Variants in LRRC8B observed in about 807,000 individuals in gnomAD.
The protein encoded by LRRC8B is volume-regulated anion channel subunit LRRC8B.
In LRRC8B, 23 loss-of-function variants were observed where a neutral mutation model predicts 58.8. The ratio of observed to expected loss-of-function variants is 0.39; its 90% confidence interval spans 0.28 to 0.55. The LOEUF (loss-of-function observed/expected upper bound fraction) is 0.55. Ranked by LOEUF, LRRC8B falls within the 20% of genes least tolerant of loss-of-function variation. The pLI, the probability that LRRC8B is intolerant of heterozygous loss-of-function variation, is 0.62. For missense variants in LRRC8B, 694 were observed against 936.0 expected, an observed-to-expected ratio of 0.74 and a Z score of 3.37; for synonymous variants, 359 against 374.1, an observed-to-expected ratio of 0.96 and a Z score of 0.47.
At chr1:89,581,759 A>G (rs887712832) in intron 4 of LRRC8B, among the ~76,000 whole-genome samples, 6 of 152,242 alleles carry the variant, frequency 3.9e-5, no homozygotes, top group African/African-American at 1.4e-4. Context: ...CCATGATAGA[A>G]TATTCTAGCA....
In LRRC8B at chr1:89,540,997, T is replaced by G. The variant is rs80137236; in HGVS notation, c.-241+15975T>G. On this transcript the variant is annotated intron_variant, in intron 1 of 5. Transcript: ENST00000330947. Reference sequence around the variant, plus strand: ...AAGTTTTGAACCAGATGATTTGGGGTCAAATTGTCAAATTTCAGGTTACCA... The same window carrying G: ...AAGTTTTGAACCAGATGATTTGGGGGCAAATTGTCAAATTTCAGGTTACCA... Among the ~76,000 whole-genome samples, 1,195 of 152,354 alleles carry G rather than the reference T, an allele frequency of 7.8e-3. 12 individuals are homozygous for G. Among genetic ancestry groups the G allele is most frequent in the Non-Finnish European group, 0.014 (953 of 68,034 alleles).
chr1:89,563,472 C>T (rs544840282), intron 1 of LRRC8B, among the ~76,000 whole-genome samples: 1 of 152,232 alleles, frequency 6.6e-6, no homozygotes, highest in East Asian at 1.9e-4. Context: ...CTTTGCCTTC[C>T]TTATGGGCCA....
chr1:89,527,580 T>C (rs1364145098), intron 1 of LRRC8B, among the ~76,000 whole-genome samples: 1 of 152,208 alleles, frequency 6.6e-6, no homozygotes, highest in Non-Finnish European at 1.5e-5. Flanking sequence ...TAAAATACCT[T>C]CTAATTTGTG....
chr1:89,554,172 C>T (rs1201154399), intron 1 of LRRC8B, among the ~76,000 whole-genome samples: 1 of 152,184 alleles, frequency 6.6e-6, no homozygotes. Context: ...ATTTCTGTCT[C>T]ATAAATTCCA....
At chr1:89,544,610 A>T (rs1026320209) in intron 1 of LRRC8B, among the ~76,000 whole-genome samples, 1 of 152,212 alleles carries the variant, frequency 6.6e-6, no homozygotes, top group Non-Finnish European at 1.5e-5. Context: ...TAATAATAAT[A>T]TCCCAGTGGG....
intron 1 of LRRC8B, among the ~76,000 whole-genome samples, chr1:89,555,566 A>G (rs1652123455): frequency 6.6e-6 from 1 of 152,170 alleles, no homozygotes; most frequent in Non-Finnish European, 1.5e-5. Flanking sequence ...AGAGAAATAA[A>G]CCTTTAATCA....
intron 1 of LRRC8B, among the ~76,000 whole-genome samples, chr1:89,540,260 A>G (rs1387175886): frequency 6.6e-6 from 1 of 152,226 alleles, no homozygotes; most frequent in Non-Finnish European, 1.5e-5. Flanking sequence ...ACATGAATCA[A>G]ATATTTGGAG....
intron 1 of LRRC8B, among the ~76,000 whole-genome samples, chr1:89,544,611 T>A (rs760760655): frequency 5.3e-5 from 8 of 152,182 alleles, no homozygotes; most frequent in Non-Finnish European, 1.0e-4. Context: ...AATAATAATA[T>A]CCCAGTGGGT....
At chr1:89,535,320 T>G (rs1454145058) in intron 1 of LRRC8B, among the ~76,000 whole-genome samples, 3 of 152,174 alleles carry the variant, frequency 2.0e-5, no homozygotes, top group African/African-American at 7.2e-5. Context: ...TAGGCCCATT[T>G]AAAGATTCCC....
chr1:89,559,320 T>G (rs1652428913), intron 1 of LRRC8B, among the ~76,000 whole-genome samples: 2 of 152,072 alleles, frequency 1.3e-5, no homozygotes. Flanking sequence ...GAACCTTCCA[T>G]GGTCCTAATA....
intron 5 of LRRC8B, 148 bp downstream of exon 5, chr1:89,584,937 C>G (rs1654521077): frequency 3.5e-6 from 2 of 575,510 alleles, no homozygotes; most frequent in Non-Finnish European, 3.0e-6. Flanking sequence ...ACTGAGCATC[C>G]ATTTTTAACC....
At chr1:89,574,381 G>A (rs1428270718) in intron 3 of LRRC8B, among the ~76,000 whole-genome samples, 1 of 152,224 alleles carries the variant, frequency 6.6e-6, no homozygotes, top group African/African-American at 2.4e-5. Flanking sequence ...TTGAGACCAG[G>A]TGTCAGTGAA....
intron 1 of LRRC8B, among the ~76,000 whole-genome samples, chr1:89,533,530 A>G (rs902134923): frequency 4.6e-5 from 7 of 152,128 alleles, no homozygotes; most frequent in African/African-American, 1.4e-4. Context: ...TCTAGGCTCC[A>G]TTAAAGCATA....
rs1389193528 is a variant in LRRC8B, at chr1:89,595,102, C to T, written c.*2059C>T. ...GGAATATAGGACACCAAACACACTG[C>T]CTCACACATTATTGTTTATTCTGAA... On this transcript the variant is annotated 3_prime_UTR_variant, in exon 6 of 6. Transcript: ENST00000330947. The T allele has an allele frequency of 6.6e-6, 1 of 152,108 alleles. No individual in the cohort carries two copies. Among genetic ancestry groups the T allele is most frequent in the Non-Finnish European group, 1.5e-5 (1 of 67,980 alleles). 9.4% of individuals were successfully genotyped at this position (152,108 alleles called of 1,614,324 possible). A position where few individuals can be genotyped will look rare whatever the true frequency, so the allele number is the denominator to read the frequency against.
At chr1:89,559,627 T>TACACAC (rs1197545100) in intron 1 of LRRC8B, among the ~76,000 whole-genome samples, 18 of 137,326 alleles carry the variant, frequency 1.3e-4, no homozygotes, top group South Asian at 2.2e-4. Context: ...TATATATATA[T>TACACAC]ATACACACAC....
At chr1:89,582,479 T>C (rs931796144) in intron 4 of LRRC8B, 146 bp from the exon 5 acceptor site, 6 of 599,794 alleles carry the variant, frequency 1.0e-5, no homozygotes, top group African/African-American at 5.6e-5. Context: ...AGAAGACTTA[T>C]GTGCCCCTTA....
chr1:89,546,333 G>A (rs1651401955), intron 1 of LRRC8B, among the ~76,000 whole-genome samples: 1 of 152,128 alleles, frequency 6.6e-6, no homozygotes, highest in South Asian at 2.1e-4. Flanking sequence ...ATCTTATCAA[G>A]AATGGCAGTA....
chr1:89,565,946 G>A (rs902951400), intron 1 of LRRC8B, among the ~76,000 whole-genome samples: 17 of 152,156 alleles, frequency 1.1e-4, no homozygotes, highest in African/African-American at 4.1e-4. Context: ...TTTCTGACCC[G>A]AAGGAAATAG....
At chr1:89,535,926 A>G (rs1650494011) in intron 1 of LRRC8B, among the ~76,000 whole-genome samples, 1 of 152,042 alleles carries the variant, frequency 6.6e-6, no homozygotes, top group African/African-American at 2.4e-5. Context: ...TGCAATTGAG[A>G]GGGAGAGGAC....
Sources: allele counts gnomAD v4.1 joint callset (sites outside exome capture counted in the v4.1 genomes callset), GRCh38; gene constraint gnomAD v4.1.1; transcripts MANE v1.5; gene names NCBI Gene and HGNC (gene_info 2026-07-23, HGNC 2026-07-21).